Variants in ACER3 observed in about 807,000 individuals in gnomAD.
The protein encoded by ACER3 is alkaline ceramidase 3.
Under a neutral mutation model 48.9 loss-of-function variants are expected in ACER3, and 16 were observed. That is an observed-to-expected ratio of 0.33 (90% CI 0.22 to 0.50). The LOEUF is 0.50. ACER3 is among the 20% of genes least tolerant of loss of function. ACER3 has a pLI of 0.98. For synonymous variants in ACER3, 109 were observed against 107.8 expected, an observed-to-expected ratio of 1.01 and a Z score of -0.07; for missense variants, 227 against 326.0, an observed-to-expected ratio of 0.70 and a Z score of 2.34.
chr11:77,015,248 A>AC, intron 8 of ACER3, 131 bp downstream of exon 8: 2 of 599,376 alleles, frequency 3.3e-6, no homozygotes, highest in East Asian at 2.9e-5. Flanking sequence ...AAAGATATAT[A>AC]CAGTATAATA....
chr11:77,005,936 T>G (rs1457093967), intron 7 of ACER3, among the ~76,000 whole-genome samples: 1 of 103,510 alleles, frequency 9.7e-6, no homozygotes, highest in Non-Finnish European at 2.4e-5. Context: ...TAAAATATAA[T>G]TGGTATATAA....
intron 1 of ACER3, among the ~76,000 whole-genome samples, chr11:76,879,017 CTT>C (rs968891097): frequency 6.6e-6 from 1 of 151,970 alleles, no homozygotes; most frequent in Admixed American, 6.6e-5. Context: ...ATTGGATTGT[CTT>C]TTTATCATTG....
At chr11:76,874,110 A>G (rs1945308592) in intron 1 of ACER3, among the ~76,000 whole-genome samples, 1 of 152,206 alleles carries the variant, frequency 6.6e-6, no homozygotes, top group Non-Finnish European at 1.5e-5. Context: ...TGGTTGCATG[A>G]AAGTCCTAGA....
At chr11:76,875,963 T>C (rs919006182) in intron 1 of ACER3, among the ~76,000 whole-genome samples, 7 of 151,978 alleles carry the variant, frequency 4.6e-5, no homozygotes, top group Non-Finnish European at 1.0e-4. Context: ...CCAGTTAATT[T>C]TTTCATTTTT....
intron 4 of ACER3, among the ~76,000 whole-genome samples, chr11:76,983,038 T>G (rs1441736403): frequency 6.6e-6 from 1 of 152,246 alleles, no homozygotes; most frequent in African/African-American, 2.4e-5. Context: ...TTGTTCTTTT[T>G]CAGTATAGCT....
intron 3 of ACER3, among the ~76,000 whole-genome samples, chr11:76,975,473 G>T (rs150780231): frequency 2.0e-3 from 297 of 151,936 alleles, no homozygotes; most frequent in African/African-American, 6.7e-3. Flanking sequence ...TTTCTCAGAG[G>T]TATACTTTAC....
chr11:76,876,047 A>C (rs1171588111), intron 1 of ACER3, among the ~76,000 whole-genome samples: 4 of 152,086 alleles, frequency 2.6e-5, no homozygotes, highest in Non-Finnish European at 4.4e-5. Context: ...CACCCACCTC[A>C]GCCTCCCAAA....
chr11:76,934,241 C>T (rs535124789), intron 2 of ACER3, among the ~76,000 whole-genome samples: 35 of 150,500 alleles, frequency 2.3e-4, no homozygotes, highest in Admixed American at 1.1e-3. Flanking sequence ...ACGTCCTAGA[C>T]GATGGGCAGC....
chr11:76,873,774 A>G (rs1255981833), intron 1 of ACER3, among the ~76,000 whole-genome samples: 1 of 152,074 alleles, frequency 6.6e-6, no homozygotes, highest in Non-Finnish European at 1.5e-5. Flanking sequence ...TGGAACAGTA[A>G]TTGTGGTGTG....
At chr11:76,913,630 G>A (rs1946444107) in intron 1 of ACER3, among the ~76,000 whole-genome samples, 1 of 152,108 alleles carries the variant, frequency 6.6e-6, no homozygotes, top group Non-Finnish European at 1.5e-5. Flanking sequence ...ACTGCCCAAG[G>A]TAATTTATAG....
At chr11:76,940,512 A>G (rs193246751) in intron 2 of ACER3, among the ~76,000 whole-genome samples, 9 of 152,354 alleles carry the variant, frequency 5.9e-5, no homozygotes, top group African/African-American at 2.2e-4. Context: ...GTACATATAG[A>G]CAATAGTATG....
chr11:76,958,183 CT>C (rs10555039), intron 2 of ACER3, among the ~76,000 whole-genome samples: 263 of 125,886 alleles, frequency 2.1e-3, no homozygotes, highest in African/African-American at 3.3e-3. Flanking sequence ...TTATTAGCAA[CT>C]TTTTTTTTTT....
chr11:76,959,922 G>T (rs536966764), intron 3 of ACER3, among the ~76,000 whole-genome samples: 31 of 152,136 alleles, frequency 2.0e-4, no homozygotes, highest in African/African-American at 6.0e-4. Flanking sequence ...GCTAGCCAAG[G>T]ATTTTTAGTT....
intron 2 of ACER3, among the ~76,000 whole-genome samples, chr11:76,939,031 A>T (rs1947269452): frequency 6.6e-6 from 1 of 152,182 alleles, no homozygotes; most frequent in African/African-American, 2.4e-5. Context: ...AACCAGGACA[A>T]TCTGAACTTA....
chr11:76,974,038 G>C (rs1052224017), intron 3 of ACER3, among the ~76,000 whole-genome samples: 1 of 152,032 alleles, frequency 6.6e-6, no homozygotes, highest in Non-Finnish European at 1.5e-5. Context: ...GGTCATAAAT[G>C]TGTGAGTTTA....
At chr11:76,915,627 C>T (rs1274452505) in intron 1 of ACER3, among the ~76,000 whole-genome samples, 1 of 152,164 alleles carries the variant, frequency 6.6e-6, no homozygotes, top group African/African-American at 2.4e-5. Context: ...CTACCTGTAA[C>T]AGTATTAGTC....
chr11:76,896,456 C>G (rs1565164218), intron 1 of ACER3, among the ~76,000 whole-genome samples: 1 of 151,484 alleles, frequency 6.6e-6, no homozygotes. Flanking sequence ...CTTAGGAGTT[C>G]GAGACCAGCC....
intron 2 of ACER3, among the ~76,000 whole-genome samples, chr11:76,935,485 C>A (rs927571028): frequency 4.6e-5 from 7 of 152,088 alleles, no homozygotes; most frequent in African/African-American, 1.7e-4. Context: ...TGTCAAAGCT[C>A]TTGGAAATAA....
At chr11:76,930,060 G>A (rs1057104988) in intron 2 of ACER3, among the ~76,000 whole-genome samples, 4 of 151,720 alleles carry the variant, frequency 2.6e-5, no homozygotes, top group Admixed American at 2.0e-4. Flanking sequence ...GCTCCTCCTT[G>A]TACCTCTGGT....
Sources: gnomAD v4.1 joint callset for allele counts (sites outside exome capture counted in the v4.1 genomes callset) on GRCh38, gnomAD v4.1.1 for gene constraint, MANE v1.5 for transcripts, NCBI Gene and HGNC (gene_info 2026-07-23, HGNC 2026-07-21) for gene names.